RBFOX1: variants seen among roughly 807,000 people sequenced by gnomAD.
RBFOX1 encodes the protein RNA binding protein fox-1 homolog 1.
Under a neutral mutation model 57.7 loss-of-function variants are expected in RBFOX1, and 8 were observed. The observed-to-expected ratio is 0.14, with a 90% CI of 0.08 to 0.25. The LOEUF (loss-of-function observed/expected upper bound fraction) is 0.25. RBFOX1 is among the 10% of genes least tolerant of loss of function. RBFOX1 has a pLI of 1.00. For synonymous variants in RBFOX1, 326 were observed against 222.4 expected (o/e 1.47, Z -4.15); for missense variants, 611 against 548.5 (o/e 1.11, Z -1.14).
chr16:6,618,183 G>T (rs374285274), intron 2 of RBFOX1, among the ~76,000 whole-genome samples: 2 of 152,092 alleles, frequency 1.3e-5, no homozygotes, highest in African/African-American at 2.4e-5. Flanking sequence ...TGACTCTCCA[G>T]TTCACCTCCC....
chr16:6,158,427 A>G (rs1567582632), intron 1 of RBFOX1, among the ~76,000 whole-genome samples: 1 of 152,200 alleles, frequency 6.6e-6, no homozygotes, highest in East Asian at 1.9e-4. Flanking sequence ...CGTGCCTGTG[A>G]GGCCTCCTTT....
chr16:5,258,899 A>G (rs2062656921), intron 1 of RBFOX1, among the ~76,000 whole-genome samples: 1 of 151,912 alleles, frequency 6.6e-6, no homozygotes, highest in South Asian at 2.1e-4. Context: ...CTGGGTGGCA[A>G]GAACGAATCT....
At chr16:7,520,801 G>T (rs1252535753) in intron 5 of RBFOX1, among the ~76,000 whole-genome samples, 5 of 152,154 alleles carry the variant, frequency 3.3e-5, no homozygotes, top group Non-Finnish European at 5.9e-5. Flanking sequence ...GTAATGCCTG[G>T]ATAGGTTATT....
chr16:5,503,351 C>G lies in RBFOX1; in HGVS notation c.258+36097C>G, dbSNP rs143279191. Reference sequence around the variant, plus strand: ...CTCTTGAATCTCCCTCACCCCTCTTCTTTTTGGAATAGGTTTACTGAGATA... The same window carrying G: ...CTCTTGAATCTCCCTCACCCCTCTTGTTTTTGGAATAGGTTTACTGAGATA... On this transcript the variant is annotated intron_variant, in intron 2 of 2. Coordinates refer to the RBFOX1 transcript ENST00000585867. Among the ~76,000 whole-genome samples, 277 of 152,334 alleles carry G rather than the reference C, an allele frequency of 1.8e-3. 1 individual carries two copies. Among genetic ancestry groups the G allele is most frequent in the African/African-American group, 6.0e-3 (249 of 41,580 alleles).
intron 3 of RBFOX1, among the ~76,000 whole-genome samples, chr16:6,954,695 C>T (rs1055872691): frequency 2.0e-5 from 3 of 151,992 alleles, no homozygotes; most frequent in African/African-American, 7.3e-5. Flanking sequence ...CTCTTAAGTG[C>T]AGGTGCCCAA....
intron 1 of RBFOX1, among the ~76,000 whole-genome samples, chr16:5,430,744 C>G (rs2067707203): frequency 6.6e-6 from 1 of 152,196 alleles, no homozygotes; most frequent in East Asian, 1.9e-4. Flanking sequence ...CCAGACGCCT[C>G]ATTGTAGTAA....
intron 3 of RBFOX1, among the ~76,000 whole-genome samples, chr16:6,749,583 C>T (rs1280592556): frequency 6.6e-6 from 1 of 152,192 alleles, no homozygotes. Context: ...AAAGCTCCTT[C>T]TCTTTTCATT....
intron 14 of RBFOX1, among the ~76,000 whole-genome samples, chr16:7,682,380 A>G (rs1392277468): frequency 6.6e-6 from 1 of 152,000 alleles, no homozygotes; most frequent in Non-Finnish European, 1.5e-5. Context: ...AAGGGATGGG[A>G]GAGTTTTCCA....
At chr16:6,053,895 AAAAAGTG>A (rs2095582822) in intron 1 of RBFOX1, among the ~76,000 whole-genome samples, 1 of 152,020 alleles carries the variant, frequency 6.6e-6, no homozygotes, top group African/African-American at 2.4e-5. Flanking sequence ...CTGTCTCTGC[AAAAAGTG>A]CACAAAAATT....
At chr16:6,894,390 T>C (rs925213182) in intron 3 of RBFOX1, among the ~76,000 whole-genome samples, 4 of 152,194 alleles carry the variant, frequency 2.6e-5, no homozygotes, top group African/African-American at 9.6e-5. Context: ...GTTTTCTCTT[T>C]TGTTCCATTC....
At chr16:7,703,997 C>A (rs772154394) in intron 14 of RBFOX1, among the ~76,000 whole-genome samples, 1 of 152,192 alleles carries the variant, frequency 6.6e-6, no homozygotes, top group Non-Finnish European at 1.5e-5. Context: ...TCTCCTCTAT[C>A]TGTAGGTGGC....
At chr16:7,330,394 T>TG (rs1379735172) in intron 4 of RBFOX1, among the ~76,000 whole-genome samples, 15 of 148,582 alleles carry the variant, frequency 1.0e-4, no homozygotes, top group East Asian at 2.0e-4. Flanking sequence ...AGAGGTTTTT[T>TG]TTTTTTTTTT....
At chr16:6,296,295 C>T (rs2078094340) in intron 1 of RBFOX1, among the ~76,000 whole-genome samples, 1 of 152,168 alleles carries the variant, frequency 6.6e-6, no homozygotes, top group Non-Finnish European at 1.5e-5. Context: ...GAAGCAGAAT[C>T]CTGGCTTTAT....
chr16:7,145,108 T>C (rs1263222894), intron 4 of RBFOX1, among the ~76,000 whole-genome samples: 1 of 152,212 alleles, frequency 6.6e-6, no homozygotes, highest in Non-Finnish European at 1.5e-5. Context: ...TTTCCAGACA[T>C]AAGCACCTAC....
Position 6,788,054 on chromosome 16 carries a change from C to G in RBFOX1, c.-16+133404C>G, listed in dbSNP as rs565908155. Among the ~76,000 whole-genome samples the G allele has an allele frequency of 5.9e-5, 9 of 152,144 alleles. 1 individual carries two copies. The highest frequency in any genetic ancestry group is 1.7e-4 in the African/African-American group (7 of 41,500). ...CCAGACCAACATGGTGAAACCCCAT[C>G]TCTACTAAAAATACAAAATTTGGCA... On this transcript the variant is annotated intron_variant, in intron 3 of 15. Coordinates refer to ENST00000550418, the MANE Select transcript of RBFOX1 (RefSeq NM_018723.4).
At chr16:6,491,732 A>G (rs888967863) in intron 2 of RBFOX1, among the ~76,000 whole-genome samples, 8 of 152,150 alleles carry the variant, frequency 5.3e-5, no homozygotes, top group Non-Finnish European at 8.8e-5. Flanking sequence ...GAAACTTGGG[A>G]TGGTTTTTCA....
chr16:7,386,275 G>T (rs970229378), intron 4 of RBFOX1, among the ~76,000 whole-genome samples: 2 of 152,082 alleles, frequency 1.3e-5, no homozygotes, highest in Non-Finnish European at 2.9e-5. Flanking sequence ...GAGTACATGT[G>T]CAGAATGTGC....
At chr16:7,327,234 A>C (rs2096622935) in intron 4 of RBFOX1, among the ~76,000 whole-genome samples, 1 of 152,248 alleles carries the variant, frequency 6.6e-6, no homozygotes, top group Non-Finnish European at 1.5e-5. Context: ...GTATTTCTGC[A>C]TAGCAGGCAA....
At chr16:6,165,022 CTT>C (rs2096907051) in intron 1 of RBFOX1, among the ~76,000 whole-genome samples, 1 of 152,002 alleles carries the variant, frequency 6.6e-6, no homozygotes, top group Admixed American at 6.6e-5. Flanking sequence ...ATATAAAACA[CTT>C]TTGTTTTAAC....
Sources: allele counts gnomAD v4.1 joint callset (sites outside exome capture counted in the v4.1 genomes callset), GRCh38; gene constraint gnomAD v4.1.1; transcripts MANE v1.5; gene names NCBI Gene and HGNC (gene_info 2026-07-23, HGNC 2026-07-21).